Variants in LARGE2 observed in about 807,000 individuals in gnomAD.
LARGE2 encodes xylosyl- and glucuronyltransferase LARGE2.
In LARGE2, 63 loss-of-function variants were observed where a neutral mutation model predicts 75.3. The ratio of observed to expected loss-of-function variants is 0.84; its 90% confidence interval spans 0.68 to 1.03. The LOEUF (loss-of-function observed/expected upper bound fraction) is 1.03. LARGE2 is among the 50% of genes least tolerant of loss of function. LARGE2 has a pLI of 0.00. For missense variants in LARGE2, 925 were observed against 980.6 expected (o/e 0.94, Z 0.76); for synonymous variants, 428 against 420.1 (o/e 1.02, Z -0.23).
chr11:45,928,858 G>A lies in LARGE2; in HGVS notation c.*13G>A, dbSNP rs368470297. 124 of 1,612,362 alleles carry A rather than the reference G, an allele frequency of 7.7e-5. No individual in the cohort carries two copies. The highest frequency in any genetic ancestry group is 1.5e-4 in the African/African-American group (11 of 74,896). ...TGCCCGAGGCTGAGGCTGGGCCGGC[G>A]CTGCCCCTCATCTTAGCATTGGGCA... On this transcript the variant is annotated 3_prime_UTR_variant, in exon 14 of 14. Coordinates refer to ENST00000401752, the MANE Select transcript of LARGE2 (RefSeq NM_001300721.2).
At position 45,924,162 on chromosome 11, in the gene LARGE2, C is replaced by G; in HGVS notation, c.377C>G (p.Pro126Arg). 3 of 1,611,296 alleles carry G rather than the reference C, an allele frequency of 1.9e-6. No individual in the cohort carries two copies. Among genetic ancestry groups the G allele is most frequent in the East Asian group, 2.2e-5 (1 of 44,846 alleles). ...CTTTGCCCACCCAAAAGGAAAAATC[C>G]ACTGCACCTCCACTTGGTGACTGAC... is the stretch of plus-strand genomic sequence containing the variant. ...VKSMLFYRKN[P>R]LHLHLVTDAV... Residue 126 changes from proline (P) to arginine (R), a missense_variant, in exon 4 of 14, where the codon CCA becomes CGA. Physicochemically the swap from Pro to Arg is moderately radical, Grantham distance 103 (BLOSUM62 -2). Coordinates refer to ENST00000401752, the MANE Select transcript of LARGE2 (RefSeq NM_001300721.2).
intron 5 of LARGE2, 34 bp from the exon 6 acceptor site, chr11:45,924,751 C>A: frequency 6.6e-7 from 1 of 1,522,720 alleles, no homozygotes; most frequent in Non-Finnish European, 8.8e-7. Flanking sequence ...CCTGTGGCAG[C>A]TTCAGACAGC....
chr11:45,924,934 C>A, intron 6 of LARGE2, 45 bp downstream of exon 6: 1 of 1,264,964 alleles, frequency 7.9e-7, no homozygotes, highest in South Asian at 1.6e-5. Flanking sequence ...GTCTGCTGGT[C>A]CTTGGGCCCC....
upstream of LARGE2, chr11:45,921,750 G>A (rs951556654): frequency 6.6e-6 from 1 of 152,306 alleles, no homozygotes; most frequent in South Asian, 2.1e-4. Context: ...TGCTTCTGCA[G>A]CGCAGAGCCT....
At position 45,923,110 on chromosome 11, in the gene LARGE2, C is replaced by T. The variant is rs1408981934; in HGVS notation, c.228C>T (p.Pro76=). 2.9e-6 allele frequency: 4 copies of T among 1,392,580 alleles called. No homozygotes were observed. The highest frequency in any genetic ancestry group is 3.7e-6 in the Non-Finnish European group (4 of 1,078,220). The allele number at this position is 1,392,580 out of a possible 1,614,324, so 86.3% of individuals were successfully genotyped here. ...AALDGDPGAG[P]GDHNRSDCGP... Reference sequence around the variant, plus strand: ...TCGACGGAGACCCGGGGGCCGGCCCCGGGGACCACAACCGCTCCGACTGCG... The same window carrying T: ...TCGACGGAGACCCGGGGGCCGGCCCTGGGGACCACAACCGCTCCGACTGCG... The change falls in exon 2 of 14, where the codon CCC becomes CCT. Residue 76 remains proline (P), a synonymous_variant. Coordinates refer to ENST00000401752, the MANE Select transcript of LARGE2 (RefSeq NM_001300721.2).
Position 45,922,722 on chromosome 11 carries a change from G to T in LARGE2, c.-69G>T, listed in dbSNP as rs1449385898. 4 of 488,974 alleles carry T rather than the reference G, an allele frequency of 8.2e-6. No individual in the cohort carries two copies. Among genetic ancestry groups the T allele is most frequent in the Non-Finnish European group, 1.3e-5 (4 of 316,768 alleles). The allele number at this position is 488,974 out of a possible 1,614,324, so 30.3% of individuals were successfully genotyped here. On this transcript the variant is annotated 5_prime_UTR_variant, in exon 1 of 14. Transcript: ENST00000401752. ...CGCAGGGCCCAGCCCGGGAGCCGCT[G>T]GAGCAGGTGAGGGAGGTGGCTCGGC...
Position 45,928,795 on chromosome 11 carries a change from C to T in LARGE2, c.2116C>T (p.Leu706Phe). The change falls in exon 14 of 14, where the codon CTC (leucine) becomes TTC (phenylalanine). Residue 706 changes from leucine to phenylalanine, a missense_variant. Leu to Phe is a conservative substitution (Grantham distance 22). Transcript: ENST00000401752. ...GTCCCGCCACCATGGGGCTGCTGCCCTCAAATACCTCCCAGCCCTGCAGCA... is the reference window on the plus strand; with the variant it reads ...GTCCCGCCACCATGGGGCTGCTGCCTTCAAATACCTCCCAGCCCTGCAGCA... The part of the protein sequence containing the change: ...DLSRHHGAAA[L>F]KYLPALQQPQ... 1.2e-6 allele frequency: 2 copies of T among 1,613,828 alleles called. No homozygotes were observed. The highest frequency in any genetic ancestry group is 1.7e-6 in the Non-Finnish European group (2 of 1,180,034).
chr11:45,927,673 C>A, intron 11 of LARGE2, 80 bp downstream of exon 11: 1 of 1,564,988 alleles, frequency 6.4e-7, no homozygotes, highest in South Asian at 1.1e-5. Flanking sequence ...GCTTCCATGT[C>A]CCTGCTCCTT....
intron 13 of LARGE2, 59 bp downstream of exon 13, chr11:45,928,431 C>A: frequency 6.4e-7 from 1 of 1,574,692 alleles, no homozygotes; most frequent in Non-Finnish European, 8.7e-7. Context: ...GTCCAGGGAA[C>A]TCACGACACC....
At position 45,928,193 on chromosome 11, in the gene LARGE2, C is replaced by T. The variant is rs367717876; in HGVS notation, c.1771C>T (p.Arg591Ter). 61 of 1,613,546 alleles carry T rather than the reference C, an allele frequency of 3.8e-5. 2 individuals are homozygous for T. The highest frequency in any genetic ancestry group is 3.7e-4 in the Admixed American group (22 of 59,998). The change falls in exon 13 of 14, where the codon CGA (arginine) becomes TGA (stop). Residue 591 changes from arginine (R) to a stop codon, truncating the protein, a stop_gained. Coordinates refer to ENST00000401752, the MANE Select transcript of LARGE2 (RefSeq NM_001300721.2). LOFTEE classifies it high-confidence loss of function. ...LYTFRYHEWP[R>*]GHAPTDYARW... ...GCTGCACAGGTACCACGAGTGGCCCCGAGGCCACGCACCCACAGACTATGC... is the reference window on the plus strand; with the variant it reads ...GCTGCACAGGTACCACGAGTGGCCCTGAGGCCACGCACCCACAGACTATGC...
In LARGE2 at chr11:45,928,979, T is replaced by C; in HGVS notation, c.*134T>C. The C allele has an allele frequency of 2.5e-6, 3 of 1,195,100 alleles. No individual in the cohort carries two copies. The highest frequency in any genetic ancestry group is 2.3e-6 in the Non-Finnish European group (2 of 857,420). 74.0% of individuals were successfully genotyped at this position (1,195,100 alleles called of 1,614,324 possible). ...GCAGAGCATCTGTGGGGTGGGGTCT[T>C]CCCCTTGCTGCTATTGTATGGCTGG... On this transcript the variant is annotated 3_prime_UTR_variant, in exon 14 of 14. Coordinates refer to ENST00000401752, the MANE Select transcript of LARGE2 (RefSeq NM_001300721.2).
In LARGE2 at chr11:45,922,847, G is replaced by A. The variant is rs2086970027; in HGVS notation, c.-36G>A. The A allele has an allele frequency of 2.4e-6, 3 of 1,243,922 alleles. No individual in the cohort carries two copies. The highest frequency in any genetic ancestry group is 1.6e-5 in the African/African-American group (1 of 64,080). The allele number at this position is 1,243,922 out of a possible 1,614,324, so 77.1% of individuals were successfully genotyped here. ...GCCTGCGATGGAGCCTGCAGCCCCG[G>A]GTCGCGTCCCTCCCTGAGCGCCCCC... On this transcript the variant is annotated 5_prime_UTR_variant, in exon 2 of 14. Transcript: ENST00000401752.
Position 45,923,131 on chromosome 11 carries a change from C to G in LARGE2, c.249C>G (p.Asp83Glu), listed in dbSNP as rs944815017. ...GAGPGDHNRS[D>E]CGPQPPPPPK... ...GCCCCGGGGACCACAACCGCTCCGA[C>G]TGCGGCCCGCAGCCGCCGCCGCCGC... The change falls in exon 2 of 14, where the codon GAC becomes GAG. Residue 83 changes from aspartate (D) to glutamate (E), a missense_variant. Around this residue, in one of 3 missense-constraint regions of LARGE2, gnomAD observed 453 missense variants for 460.2 expected, o/e 0.98. Transcript: ENST00000401752. 1 of 1,358,074 alleles carries G rather than the reference C, an allele frequency of 7.4e-7. No individual in the cohort carries two copies. Among genetic ancestry groups the G allele is most frequent in the Non-Finnish European group, 9.4e-7 (1 of 1,063,858 alleles). 84.1% of individuals were successfully genotyped at this position (1,358,074 alleles called of 1,614,324 possible).
At chr11:45,926,949 A>C in intron 10 of LARGE2, 78 bp downstream of exon 10, 1 of 1,414,082 alleles carries the variant, frequency 7.1e-7, no homozygotes, top group South Asian at 1.4e-5. Flanking sequence ...TCCATCTGGC[A>C]GCCTGATGCT....
chr11:45,922,537 A>T (rs567090651), upstream of LARGE2, among the ~76,000 whole-genome samples: 1 of 152,086 alleles, frequency 6.6e-6, no homozygotes, highest in Non-Finnish European at 1.5e-5. Context: ...CGGGCTGGGG[A>T]ACCGTCGGAT....
Position 45,922,950 on chromosome 11 carries a change from G to T in LARGE2, c.68G>T (p.Gly23Val). ...AALLLLLLLLGFLLFGGDLGC... is the reference protein window; with the variant it reads ...AALLLLLLLLVFLLFGGDLGC... ...CTGTTGCTGCTGCTGCTGCTGCTCG[G>T]ATTCCTCCTGTTCGGTGGGGACCTG... The change falls in exon 2 of 14, where the codon GGA becomes GTA. Residue 23 changes from glycine (G) to valine (V), a missense_variant. By Grantham distance (109) the Gly-to-Val change is moderately radical. Coordinates refer to ENST00000401752, the MANE Select transcript of LARGE2 (RefSeq NM_001300721.2). 7.7e-7 allele frequency: 1 copy of T among 1,294,162 alleles called. No individual in the cohort carries two copies. The highest frequency in any genetic ancestry group is 9.8e-7 in the Non-Finnish European group (1 of 1,025,054). The allele number at this position is 1,294,162 out of a possible 1,614,324, so 80.2% of individuals were successfully genotyped here. A position where few individuals can be genotyped will look rare whatever the true frequency, so the allele number is the denominator to read the frequency against.
At chr11:45,925,739 C>T (rs759236179) in intron 6 of LARGE2, among the ~76,000 whole-genome samples, 1 of 151,992 alleles carries the variant, frequency 6.6e-6, no homozygotes, top group African/African-American at 2.4e-5. Context: ...CCCAGCTACT[C>T]GGTGGGGGTT....
At chr11:45,923,319 C>T (rs1437257597) in intron 2 of LARGE2, 152 bp downstream of exon 2, 2 of 1,101,196 alleles carry the variant, frequency 1.8e-6, no homozygotes, top group East Asian at 2.6e-5. Flanking sequence ...CCTCTGCTCC[C>T]GACCTCATTT....
Position 45,928,046 on chromosome 11 carries a change from T to G in LARGE2, c.1731T>G (p.Asp577Glu). ...AGGTGGAGCTGTTGGCCTTGCTGGA[T>G]GCGGGCACTCTCTACACCTTCAGGT... ...HSKVELLALL[D>E]AGTLYTFRYH... Residue 577 changes from aspartate (D) to glutamate (E), a missense_variant, in exon 12 of 14, where the codon GAT (aspartate) becomes GAG (glutamate). This residue lies in a region of LARGE2 where 469 missense variants were observed against 503.8 expected (regional missense o/e 0.93). Transcript: ENST00000401752. 2 of 1,613,932 alleles carry G rather than the reference T, an allele frequency of 1.2e-6. No individual in the cohort carries two copies. Among genetic ancestry groups the G allele is most frequent in the Non-Finnish European group, 1.7e-6 (2 of 1,180,022 alleles).
Sources: gnomAD v4.1 joint callset for allele counts (sites outside exome capture counted in the v4.1 genomes callset) on GRCh38, gnomAD v4.1.1 for gene constraint, gnomAD v4.1.1 regional missense constraint, MANE v1.5 for transcripts, NCBI Gene and HGNC (gene_info 2026-07-23, HGNC 2026-07-21) for gene names.